GRM3: variants seen among roughly 807,000 people sequenced by gnomAD.
GRM3 encodes the protein glutamate metabotropic receptor 3.
GRM3 carries 26 observed loss-of-function variants against 70.5 expected under a neutral mutation model. That is an observed-to-expected ratio of 0.37 (90% CI 0.27 to 0.51). GRM3 has a LOEUF of 0.51. Among genes scored for constraint, GRM3 ranks in the 20% least tolerant of loss-of-function variants. GRM3 has a pLI of 0.93. For missense variants in GRM3, 859 were observed against 1,123.8 expected (o/e 0.76, Z 3.37); for synonymous variants, 443 against 434.9 (o/e 1.02, Z -0.23).
chr7:86,816,284 AG>A (rs1422632577), intron 3 of GRM3, among the ~76,000 whole-genome samples: 1 of 151,872 alleles, frequency 6.6e-6, no homozygotes, highest in African/African-American at 2.4e-5. Flanking sequence ...CTAAGCGACA[AG>A]CACTTTTTTT....
intron 1 of GRM3, among the ~76,000 whole-genome samples, chr7:86,728,825 C>T (rs538092542): frequency 2.6e-5 from 4 of 152,312 alleles, no homozygotes; most frequent in African/African-American, 9.6e-5. Context: ...CAAAGCCTCT[C>T]ACAGTGAAAT....
intron 5 of GRM3, among the ~76,000 whole-genome samples, chr7:86,858,068 T>C (rs1798885015): frequency 6.6e-6 from 1 of 152,042 alleles, no homozygotes; most frequent in Non-Finnish European, 1.5e-5. Flanking sequence ...ACCATTCTCC[T>C]GCCTCAGCCT....
At chr7:86,749,702 T>G (rs923977182) in intron 1 of GRM3, among the ~76,000 whole-genome samples, 2 of 152,030 alleles carry the variant, frequency 1.3e-5, no homozygotes, top group African/African-American at 4.8e-5. Context: ...GCAATAATAA[T>G]GTAGGAATTT....
At position 86,839,601 on chromosome 7, in the gene GRM3, T is replaced by G. The variant is rs760490454; in HGVS notation, c.2087T>G (p.Ile696Ser). 6.2e-7 allele frequency: 1 copy of G among 1,613,958 alleles called. No individual in the cohort carries two copies. The change falls in exon 4 of 6, where the codon ATC becomes AGC. Residue 696 changes from isoleucine (I) to serine (S), a missense_variant. By Grantham distance (142) the Ile-to-Ser change is moderately radical. Transcript: ENST00000361669. This position sits in a 1 kb window ranked among gnomAD's most constrained non-coding sequence, Gnocchi z 4.5. Reference protein sequence around the residue: ...SSQVFICLGLILVQIVMVSVW... With the variant: ...SSQVFICLGLSLVQIVMVSVW... Reference sequence around the variant, plus strand: ...CAGGTTTTCATCTGCCTGGGTCTGATCCTGGTGCAAATTGTGATGGTGTCT... The same window carrying G: ...CAGGTTTTCATCTGCCTGGGTCTGAGCCTGGTGCAAATTGTGATGGTGTCT...
chr7:86,657,455 C>T (rs1793776125), intron 1 of GRM3, among the ~76,000 whole-genome samples: 1 of 152,204 alleles, frequency 6.6e-6, no homozygotes, highest in Admixed American at 6.5e-5. Context: ...TGGAGGATTT[C>T]ATTCTAGACC....
intron 1 of GRM3, among the ~76,000 whole-genome samples, chr7:86,719,271 T>C (rs1462207725): frequency 6.6e-6 from 1 of 152,082 alleles, no homozygotes; most frequent in Non-Finnish European, 1.5e-5. Context: ...TTTCAGTCTC[T>C]TGAAAATTAA....
At chr7:86,661,794 A>T (rs937209381) in intron 1 of GRM3, among the ~76,000 whole-genome samples, 3 of 151,888 alleles carry the variant, frequency 2.0e-5, no homozygotes, top group Non-Finnish European at 4.4e-5. Flanking sequence ...TTATCAAAAA[A>T]CATGAAACCA....
chr7:86,675,846 A>C (rs73704992), intron 1 of GRM3, among the ~76,000 whole-genome samples: 146 of 152,234 alleles, frequency 9.6e-4, no homozygotes, highest in African/African-American at 3.3e-3. Context: ...AAATATGTTC[A>C]AGAAATAAAA....
At chr7:86,708,141 C>T (rs1202293623) in intron 1 of GRM3, among the ~76,000 whole-genome samples, 1 of 152,118 alleles carries the variant, frequency 6.6e-6, no homozygotes, top group Non-Finnish European at 1.5e-5. Flanking sequence ...GTGTGGTTTC[C>T]AAGAAAGGAA....
intron 1 of GRM3, among the ~76,000 whole-genome samples, chr7:86,652,569 T>G (rs1022206794): frequency 6.6e-6 from 1 of 152,074 alleles, no homozygotes; most frequent in African/African-American, 2.4e-5. Context: ...GACCTCATGA[T>G]CCTCCCACCT....
At chr7:86,777,299 C>G (rs935493133) in intron 2 of GRM3, among the ~76,000 whole-genome samples, 3 of 152,142 alleles carry the variant, frequency 2.0e-5, no homozygotes, top group African/African-American at 7.2e-5. Flanking sequence ...GTGTGACAAT[C>G]CTGGTTACAA....
At position 86,644,881 on chromosome 7, in the gene GRM3, C is replaced by T; in HGVS notation, c.-141+9C>T. ...GGAGTTGTCGGTGCGAGGTAAGGGT[C>T]CCAGAGGAGGACGTGTCCCTCTGGA... On this transcript the variant is annotated intron_variant, in intron 1 of 5. Transcript: ENST00000361669. The T allele has an allele frequency of 1.6e-6, 2 of 1,273,906 alleles. No individual in the cohort carries two copies. Among genetic ancestry groups the T allele is most frequent in the Non-Finnish European group, 2.1e-6 (2 of 975,076 alleles). The allele number at this position is 1,273,906 out of a possible 1,614,324, so 78.9% of individuals were successfully genotyped here. A position where few individuals can be genotyped will look rare whatever the true frequency, so the allele number is the denominator to read the frequency against.
intron 1 of GRM3, among the ~76,000 whole-genome samples, chr7:86,725,445 T>G (rs951547071): frequency 6.6e-6 from 1 of 152,202 alleles, no homozygotes; most frequent in African/African-American, 2.4e-5. Flanking sequence ...AGCAGGAGTA[T>G]GACAATGACA....
intron 2 of GRM3, among the ~76,000 whole-genome samples, chr7:86,785,510 T>TA (rs34635079): frequency 1.4e-5 from 1 of 69,112 alleles, no homozygotes; most frequent in Non-Finnish European, 2.8e-5. Flanking sequence ...TACCTTTTAA[T>TA]TTTTTTTAAT....
chr7:86,715,717 GC>G (rs1165004032), intron 1 of GRM3, among the ~76,000 whole-genome samples: 3 of 151,944 alleles, frequency 2.0e-5, no homozygotes, highest in Non-Finnish European at 4.4e-5. Flanking sequence ...GCTACCTTCA[GC>G]CATGATTCAT....
chr7:86,803,087 T>C (rs554143699), intron 3 of GRM3, among the ~76,000 whole-genome samples: 3 of 150,498 alleles, frequency 2.0e-5, no homozygotes, highest in African/African-American at 7.5e-5. Flanking sequence ...TCAACCATGA[T>C]TTCTCAATTG....
intron 1 of GRM3, among the ~76,000 whole-genome samples, chr7:86,701,009 C>T (rs980284785): frequency 1.3e-5 from 2 of 151,770 alleles, no homozygotes; most frequent in Non-Finnish European, 2.9e-5. Context: ...TTCATAATCC[C>T]AAACATAATC....
intron 1 of GRM3, among the ~76,000 whole-genome samples, chr7:86,676,891 A>G (rs1464339483): frequency 6.6e-6 from 1 of 151,980 alleles, no homozygotes; most frequent in East Asian, 1.9e-4. Flanking sequence ...CTTTTGGCCA[A>G]ATTAGAGGAT....
intron 1 of GRM3, among the ~76,000 whole-genome samples, chr7:86,705,583 C>A (rs1795038673): frequency 6.6e-6 from 1 of 151,664 alleles, no homozygotes; most frequent in Non-Finnish European, 1.5e-5. Context: ...TGTAAACATA[C>A]TGACCCATGT....
Sources: allele counts gnomAD v4.1 joint callset (sites outside exome capture counted in the v4.1 genomes callset), GRCh38; gene constraint gnomAD v4.1.1; non-coding constraint Gnocchi (gnomAD v3.1); transcripts MANE v1.5; gene names NCBI Gene and HGNC (gene_info 2026-07-23, HGNC 2026-07-21).